Variants in ZNF236 observed in about 807,000 individuals in gnomAD.
ZNF236 encodes the protein regulated by glucose.
Under a neutral mutation model 191.2 loss-of-function variants are expected in ZNF236, and 50 were observed. The ratio of observed to expected loss-of-function variants is 0.26; its 90% CI spans 0.21 to 0.33. The LOEUF is 0.33. ZNF236 is among the 10% of genes least tolerant of loss of function. ZNF236 has a pLI of 1.00. For missense variants in ZNF236, 1,754 were observed against 2,374.5 expected, an observed-to-expected ratio of 0.74 and a Z score of 5.43; for synonymous variants, 907 against 928.8, an observed-to-expected ratio of 0.98 and a Z score of 0.43.
At chr18:76,936,459 C>A (rs557041882) in intron 25 of ZNF236, 76 of 454,128 alleles carry the variant, frequency 1.7e-4, no homozygotes, top group African/African-American at 1.4e-3. Flanking sequence ...CCTTTCTTCA[C>A]CAGATACTTT....
chr18:76,845,153 G>A (rs1272178458), intron 1 of ZNF236, among the ~76,000 whole-genome samples: 1 of 152,146 alleles, frequency 6.6e-6, no homozygotes, highest in East Asian at 1.9e-4. Context: ...GGCAAACAAA[G>A]CTGCTCATTT....
chr18:76,836,181 C>T (rs1446194063), intron 1 of ZNF236, among the ~76,000 whole-genome samples: 3 of 152,198 alleles, frequency 2.0e-5, no homozygotes, highest in Non-Finnish European at 4.4e-5. Flanking sequence ...GCTGAAATTA[C>T]AGGTGTGAGC....
intron 21 of ZNF236, among the ~76,000 whole-genome samples, chr18:76,924,511 A>G (rs1243310596): frequency 1.3e-5 from 2 of 152,156 alleles, no homozygotes; most frequent in Non-Finnish European, 2.9e-5. Flanking sequence ...TCCTGTAAAA[A>G]TTAGCATTTG....
At chr18:76,959,961 G>A (rs1490925216) in intron 29 of ZNF236, 145 bp downstream of exon 29, 1 of 1,042,092 alleles carries the variant, frequency 9.6e-7, no homozygotes, top group African/African-American at 1.6e-5. Context: ...TTTCTCCTGA[G>A]TTTTGACCTA....
chr18:76,903,403 G>A (rs1186405098), intron 11 of ZNF236, among the ~76,000 whole-genome samples: 1 of 152,236 alleles, frequency 6.6e-6, no homozygotes, highest in African/African-American at 2.4e-5. Flanking sequence ...GGAAAGCTGG[G>A]AGAAGTGGGC....
intron 10 of ZNF236, among the ~76,000 whole-genome samples, chr18:76,895,966 C>G (rs1977393425): frequency 6.6e-6 from 1 of 151,920 alleles, no homozygotes; most frequent in Non-Finnish European, 1.5e-5. Context: ...ACAAGTATGG[C>G]CCGCAGTGCT....
At chr18:76,950,031 C>T (rs1415599027) in intron 27 of ZNF236, among the ~76,000 whole-genome samples, 6 of 152,118 alleles carry the variant, frequency 3.9e-5, no homozygotes. Context: ...TAACGATCAC[C>T]TGAGCCTTCA....
intron 3 of ZNF236, among the ~76,000 whole-genome samples, chr18:76,855,800 C>T (rs1599335379): frequency 6.6e-6 from 1 of 152,100 alleles, no homozygotes; most frequent in African/African-American, 2.4e-5. Context: ...GAGGATGCTG[C>T]CGAACACCCT....
intron 14 of ZNF236, 89 bp downstream of exon 14, chr18:76,908,662 C>T: frequency 6.7e-7 from 1 of 1,488,322 alleles, no homozygotes; most frequent in Non-Finnish European, 9.0e-7. Flanking sequence ...TGTCTCCCAT[C>T]ACTGACTTTT....
At position 76,875,926 on chromosome 18, in the gene ZNF236, C is replaced by T. The variant is rs1326248468; in HGVS notation, c.840+262C>T. ...AAATATTTGAAAATAATCCTAATAC[C>T]TTTGTTAGTTATAGTCTGTCATTCT... is the stretch of plus-strand genomic sequence containing the variant. On this transcript the variant is annotated intron_variant, in intron 6 of 30. Coordinates refer to ENST00000320610, the MANE Select transcript of ZNF236 (RefSeq NM_001306089.2). The surrounding 1 kb of genome is among the most constrained non-coding windows in gnomAD (Gnocchi z 4.3). Among the ~76,000 whole-genome samples, 2 of 152,070 alleles carry T rather than the reference C, an allele frequency of 1.3e-5. No individual in the cohort carries two copies. Among genetic ancestry groups the T allele is most frequent in the Non-Finnish European group, 2.9e-5 (2 of 68,024 alleles).
At chr18:76,961,155 CTT>C (rs1968657292) in intron 30 of ZNF236, among the ~76,000 whole-genome samples, 1 of 152,104 alleles carries the variant, frequency 6.6e-6, no homozygotes, top group African/African-American at 2.4e-5. Context: ...CCCTCACCCC[CTT>C]CCCATTCTTT....
intron 26 of ZNF236, among the ~76,000 whole-genome samples, chr18:76,946,366 T>C (rs1458005508): frequency 6.6e-6 from 1 of 152,212 alleles, no homozygotes; most frequent in Non-Finnish European, 1.5e-5. Context: ...CAATTAAACC[T>C]CTTTCTTTTG....
chr18:76,955,368 G>A (rs1599424741), intron 27 of ZNF236, among the ~76,000 whole-genome samples: 5 of 152,128 alleles, frequency 3.3e-5, no homozygotes, highest in South Asian at 2.1e-4. Flanking sequence ...CCTGAGCTGC[G>A]ATTGTGCCAC....
chr18:76,900,913 A>C (rs1198527526), intron 11 of ZNF236, among the ~76,000 whole-genome samples: 1 of 152,204 alleles, frequency 6.6e-6, no homozygotes, highest in African/African-American at 2.4e-5. Context: ...TGTTCCACTC[A>C]GATGTCAGAG....
In ZNF236 at chr18:76,947,445, A is replaced by G. The variant is rs201422203; in HGVS notation, c.4783-76A>G. 4.9e-5 allele frequency: 75 copies of G among 1,531,462 alleles called. No individual in the cohort carries two copies. The Middle Eastern group carries it at 9.0e-4, about 18-fold the overall frequency. 94.9% of individuals were successfully genotyped at this position (1,531,462 alleles called of 1,614,324 possible). A position where few individuals can be genotyped will look rare whatever the true frequency, so the allele number is the denominator to read the frequency against. On this transcript the variant is annotated intron_variant, in intron 26 of 30. Transcript: ENST00000320610. Reference sequence around the variant, plus strand: ...CCAGCTTGTTTTCCAAGGTAGCTGCACCATAAAAGATCTTTTAAATTATTG... The same window carrying G: ...CCAGCTTGTTTTCCAAGGTAGCTGCGCCATAAAAGATCTTTTAAATTATTG...
At chr18:76,849,700 T>G in intron 2 of ZNF236, 32 bp downstream of exon 2, 4 of 1,470,822 alleles carry the variant, frequency 2.7e-6, no homozygotes, top group Non-Finnish European at 3.6e-6. Context: ...GTCAGGAATG[T>G]GAGCGTTGAA....
At chr18:76,834,510 A>C (rs1039330281) in intron 1 of ZNF236, 4 of 473,482 alleles carry the variant, frequency 8.4e-6, no homozygotes, top group African/African-American at 2.0e-5. Flanking sequence ...CTTTCCGTTC[A>C]AGGAGCATTT....
intron 1 of ZNF236, among the ~76,000 whole-genome samples, chr18:76,846,943 C>T (rs967301375): frequency 6.6e-6 from 1 of 151,912 alleles, no homozygotes; most frequent in Non-Finnish European, 1.5e-5. Flanking sequence ...TACAGGCGTG[C>T]GCCATCAAGC....
chr18:76,931,125 C>T (rs1212748644), intron 25 of ZNF236: 8 of 152,128 alleles, frequency 5.3e-5, no homozygotes, highest in Admixed American at 5.2e-4. Flanking sequence ...TAAACGGGAG[C>T]ATAAGATTGT....
Sources: allele counts gnomAD v4.1 joint callset (sites outside exome capture counted in the v4.1 genomes callset), GRCh38; gene constraint gnomAD v4.1.1; non-coding constraint Gnocchi (gnomAD v3.1); transcripts MANE v1.5; gene names NCBI Gene and HGNC (gene_info 2026-07-23, HGNC 2026-07-21).